DTX3: variants seen among roughly 807,000 people sequenced by gnomAD.
DTX3 encodes the protein deltex E3 ubiquitin ligase 3, also known as E3 ubiquitin-protein ligase DTX3.
A neutral mutation model predicts 27.4 loss-of-function variants in DTX3; 10 were observed. The ratio of observed to expected loss-of-function variants is 0.36; its 90% CI spans 0.22 to 0.62. The LOEUF (loss-of-function observed/expected upper bound fraction) is 0.62. Among genes scored for constraint, DTX3 ranks in the 20% least tolerant of loss-of-function variants. DTX3 has a pLI of 0.68. For missense variants in DTX3, 319 were observed against 463.8 expected (o/e 0.69, Z 2.87); for synonymous variants, 171 against 190.7 (o/e 0.90, Z 0.85).
In DTX3 at chr12:57,607,598, G is replaced by C; in HGVS notation, c.735G>C (p.Pro245=). The C allele has an allele frequency of 1.2e-6, 2 of 1,614,064 alleles. No individual in the cohort carries two copies. Among genetic ancestry groups the C allele is most frequent in the Non-Finnish European group, 1.7e-6 (2 of 1,180,012 alleles). Residue 245 remains proline (P), a synonymous_variant, in exon 5 of 7, where the codon CCG becomes CCC. Coordinates refer to ENST00000337737, the MANE Select transcript of DTX3 (RefSeq NM_178502.4). This position sits in a 1 kb window ranked among gnomAD's most constrained non-coding sequence, Gnocchi z 7.7. ...CCATTGTCATCCAGTACGTCTTCCC[G>C]CCCGGTGTCCAGGGGGTAAGAAGAC... ...YGTIVIQYVF[P]PGVQGAEHPN... is the part of the protein sequence containing the mutation.
Position 57,608,854 on chromosome 12 carries a change from C to T in DTX3, c.968+117C>T. On this transcript the variant is annotated intron_variant, in intron 6 of 6. Transcript: ENST00000337737. The surrounding 1 kb of genome is among the most constrained non-coding windows in gnomAD (Gnocchi z 6.1). ...CTAACTGGAGAGAACCACTTCCAAACTGTTCAGCCATCTCAGTTTCTCCTA... is the reference window on the plus strand; with the variant it reads ...CTAACTGGAGAGAACCACTTCCAAATTGTTCAGCCATCTCAGTTTCTCCTA... 2 of 1,285,940 alleles carry T rather than the reference C, an allele frequency of 1.6e-6. No individual in the cohort carries two copies. The highest frequency in any genetic ancestry group is 2.2e-6 in the Non-Finnish European group (2 of 906,968). The allele number at this position is 1,285,940 out of a possible 1,614,324, so 79.7% of individuals were successfully genotyped here.
At position 57,608,906 on chromosome 12, in the gene DTX3, G is replaced by C; in HGVS notation, c.968+169G>C. On this transcript the variant is annotated intron_variant, in intron 6 of 6. Transcript: ENST00000337737. The surrounding 1 kb of genome is among the most constrained non-coding windows in gnomAD (Gnocchi z 6.1). Reference sequence around the variant, plus strand: ...ATTCAACCTGGTCCTGGTGTGCCCAGCTTAGCCTACAAAAATAAGCAGAAC... The same window carrying C: ...ATTCAACCTGGTCCTGGTGTGCCCACCTTAGCCTACAAAAATAAGCAGAAC... 2 of 1,068,068 alleles carry C rather than the reference G, an allele frequency of 1.9e-6. No individual in the cohort carries two copies. The highest frequency in any genetic ancestry group is 1.4e-6 in the Non-Finnish European group (1 of 708,806). 66.2% of individuals were successfully genotyped at this position (1,068,068 alleles called of 1,614,324 possible).
chr12:57,609,167 G>A lies in DTX3; in HGVS notation c.*15G>A. The A allele has an allele frequency of 1.2e-6, 2 of 1,613,758 alleles. No homozygotes were observed. The highest frequency in any genetic ancestry group is 1.7e-6 in the Non-Finnish European group (2 of 1,179,746). On this transcript the variant is annotated 3_prime_UTR_variant, in exon 7 of 7. Coordinates refer to ENST00000337737, the MANE Select transcript of DTX3 (RefSeq NM_178502.4). ...CAGATGACTGAAGGACATCGCCTTT[G>A]CCAAGGCCCCTGCTGTCTGCCTCTA...
In DTX3 at chr12:57,609,219, C is replaced by T. The variant is rs1459021718; in HGVS notation, c.*67C>T. ...TAGGACCCAGCAGAAGCCTCTTTCT[C>T]CTCTCTGCCCCCTGCCCCCCACACC... On this transcript the variant is annotated 3_prime_UTR_variant, in exon 7 of 7. Coordinates refer to ENST00000337737, the MANE Select transcript of DTX3 (RefSeq NM_178502.4). 5 of 1,461,706 alleles carry T rather than the reference C, an allele frequency of 3.4e-6. No homozygotes were observed. Among genetic ancestry groups the T allele is most frequent in the Non-Finnish European group, 1.9e-6 (2 of 1,047,150 alleles). 90.5% of individuals were successfully genotyped at this position (1,461,706 alleles called of 1,614,324 possible).
At position 57,608,645 on chromosome 12, in the gene DTX3, C is replaced by T. The variant is rs2140212443; in HGVS notation, c.876C>T (p.Phe292=). ...AGGCGTTTGACCAGCGTCTCACCTTCACTATCGGCACGTCCATGACCACAG... is the reference window on the plus strand; with the variant it reads ...AGGCGTTTGACCAGCGTCTCACCTTTACTATCGGCACGTCCATGACCACAG... ...FRKAFDQRLT[F]TIGTSMTTGR... is the part of the protein sequence containing the mutation. The change falls in exon 6 of 7, where the codon TTC becomes TTT. Residue 292 remains phenylalanine (F), a synonymous_variant. Transcript: ENST00000337737. The surrounding 1 kb of genome is among the most constrained non-coding windows in gnomAD (Gnocchi z 6.1). 1.2e-6 allele frequency: 2 copies of T among 1,614,224 alleles called. No homozygotes were observed. Among genetic ancestry groups the T allele is most frequent in the East Asian group, 2.2e-5 (1 of 44,880 alleles).
rs1883794479 is a variant in DTX3, at chr12:57,607,465, T to C, written c.602T>C (p.Met201Thr). ...CTGCAGGTGAAAAAGGCCTGCCCCA[T>C]GTGCGGCCGCTTCTATGGGCAGCTG... ...RALQVKKACP[M>T]CGRFYGQLVG... The change falls in exon 5 of 7, where the codon ATG becomes ACG. Residue 201 changes from methionine to threonine, a missense_variant. Around this residue, in one of 2 missense-constraint regions of DTX3, gnomAD observed 117 missense variants for 258.5 expected, o/e 0.45. Coordinates refer to ENST00000337737, the MANE Select transcript of DTX3 (RefSeq NM_178502.4). This position sits in a 1 kb window ranked among gnomAD's most constrained non-coding sequence, Gnocchi z 7.7. 6.2e-7 allele frequency: 1 copy of C among 1,614,142 alleles called. No individual in the cohort carries two copies. The highest frequency in any genetic ancestry group is 8.5e-7 in the Non-Finnish European group (1 of 1,180,008).
chr12:57,605,639 C>T lies in DTX3; in HGVS notation c.-231C>T, dbSNP rs1258938240. 6.6e-6 allele frequency: 1 copy of T among 152,188 alleles called. No homozygotes were observed. The highest frequency in any genetic ancestry group is 1.9e-4 in the East Asian group (1 of 5,184). The allele number at this position is 152,188 out of a possible 1,614,324, so 9.4% of individuals were successfully genotyped here. A position where few individuals can be genotyped will look rare whatever the true frequency, so the allele number is the denominator to read the frequency against. ...GACCAGACTCAGGGAAAACATCAGGCCCCTCCAGCTGAGCCCTTGTGTGAG... is the reference window on the plus strand; with the variant it reads ...GACCAGACTCAGGGAAAACATCAGGTCCCTCCAGCTGAGCCCTTGTGTGAG... On this transcript the variant is annotated 5_prime_UTR_variant, in exon 2 of 7. Coordinates refer to ENST00000337737, the MANE Select transcript of DTX3 (RefSeq NM_178502.4).
chr12:57,609,509 C>T lies in DTX3; in HGVS notation c.*357C>T. 4.3e-6 allele frequency: 1 copy of T among 232,918 alleles called. No homozygotes were observed. The highest frequency in any genetic ancestry group is 8.6e-6 in the Non-Finnish European group (1 of 116,542). The allele number at this position is 232,918 out of a possible 1,614,324, so 14.4% of individuals were successfully genotyped here. A position where few individuals can be genotyped will look rare whatever the true frequency, so the allele number is the denominator to read the frequency against. Reference sequence around the variant, plus strand: ...GGACCTAGGGTGGGGAAGGGAGGGTCTCTTGATTCCTAACCGCCCCCACAT... The same window carrying T: ...GGACCTAGGGTGGGGAAGGGAGGGTTTCTTGATTCCTAACCGCCCCCACAT... On this transcript the variant is annotated 3_prime_UTR_variant, in exon 7 of 7. Coordinates refer to ENST00000337737, the MANE Select transcript of DTX3 (RefSeq NM_178502.4).
chr12:57,606,570 T>C (rs1353229177), intron 4 of DTX3, 52 bp downstream of exon 4: 9 of 1,606,262 alleles, frequency 5.6e-6, no homozygotes, highest in Non-Finnish European at 7.6e-6. Context: ...ACAGCCCATT[T>C]TTCCCCAAGA....
chr12:57,607,285 CT>C lies in DTX3; in HGVS notation c.423del (p.Pro142LeufsTer54). ...LPPGARGLPP[P>X]PPPLPPPLPP... Reference sequence around the variant, plus strand: ...CCAGGAGCTCGGGGGCTCCCCCCTCCTCCTCCCCCCCTGCCCCCACCTCTTC... The same window carrying C: ...CCAGGAGCTCGGGGGCTCCCCCCTCCCCTCCCCCCCTGCCCCCACCTCTTC... On this transcript the variant is annotated frameshift_variant, in exon 5 of 7. Coordinates refer to ENST00000337737, the MANE Select transcript of DTX3 (RefSeq NM_178502.4). LOFTEE classifies it high-confidence loss of function. The surrounding 1 kb of genome is among the most constrained non-coding windows in gnomAD (Gnocchi z 7.7). The C allele has an allele frequency of 6.4e-7, 1 of 1,568,790 alleles. No individual in the cohort carries two copies. Among genetic ancestry groups the C allele is most frequent in the South Asian group, 1.2e-5 (1 of 86,464 alleles).
In DTX3 at chr12:57,608,649, A is replaced by G. The variant is rs201365434; in HGVS notation, c.880A>G (p.Ile294Val). The G allele has an allele frequency of 6.8e-6, 11 of 1,613,956 alleles. No individual in the cohort carries two copies. Among genetic ancestry groups the G allele is most frequent in the Non-Finnish European group, 9.3e-6 (11 of 1,180,014 alleles). The change falls in exon 6 of 7, where the codon ATC becomes GTC. Residue 294 changes from isoleucine to valine, a missense_variant. By Grantham distance (29) the Ile-to-Val change is conservative. This residue lies in a region of DTX3 where 117 missense variants were observed against 258.5 expected (regional missense o/e 0.45). Transcript: ENST00000337737. This position sits in a 1 kb window ranked among gnomAD's most constrained non-coding sequence, Gnocchi z 6.1. The stretch of plus-strand genomic sequence containing the variant: ...GTTTGACCAGCGTCTCACCTTCACT[A>G]TCGGCACGTCCATGACCACAGGGAG... ...KAFDQRLTFT[I>V]GTSMTTGRPN...
At position 57,608,600 on chromosome 12, in the gene DTX3, G is replaced by A. The variant is rs774728825; in HGVS notation, c.831G>A (p.Lys277=). The change falls in exon 6 of 7, where the codon AAG becomes AAA. Residue 277 remains lysine, a synonymous_variant. Transcript: ENST00000337737. This position sits in a 1 kb window ranked among gnomAD's most constrained non-coding sequence, Gnocchi z 6.1. ...TCCCGGACTGCCCTGAGGGCAACAAGGTGCTGACCCTGTTCCGCAAGGCGT... is the reference window on the plus strand; with the variant it reads ...TCCCGGACTGCCCTGAGGGCAACAAAGTGCTGACCCTGTTCCGCAAGGCGT... ...AYLPDCPEGN[K]VLTLFRKAFD... is the part of the protein sequence containing the mutation. 3.1e-6 allele frequency: 5 copies of A among 1,614,174 alleles called. No homozygotes were observed. The Admixed American group carries it at 8.3e-5, about 27-fold the overall frequency.
Position 57,605,641 on chromosome 12 carries a change from C to G in DTX3, c.-229C>G, listed in dbSNP as rs913542676. 6.6e-6 allele frequency: 1 copy of G among 152,232 alleles called. No individual in the cohort carries two copies. Among genetic ancestry groups the G allele is most frequent in the African/African-American group, 2.4e-5 (1 of 41,440 alleles). The allele number at this position is 152,232 out of a possible 1,614,324, so 9.4% of individuals were successfully genotyped here. ...CCAGACTCAGGGAAAACATCAGGCC[C>G]CTCCAGCTGAGCCCTTGTGTGAGCC... On this transcript the variant is annotated 5_prime_UTR_variant, in exon 2 of 7. Coordinates refer to ENST00000337737, the MANE Select transcript of DTX3 (RefSeq NM_178502.4).
In DTX3 at chr12:57,606,445, C is replaced by T. The variant is rs1177982934; in HGVS notation, c.-73C>T. 5.0e-6 allele frequency: 8 copies of T among 1,610,414 alleles called. No homozygotes were observed. Among genetic ancestry groups the T allele is most frequent in the Non-Finnish European group, 6.8e-6 (8 of 1,178,630 alleles). ...CTTCCATTTTTCCGCCCTACCAGGT[C>T]ACACGACCTACAAGTAGGGAGCAGG... On this transcript the variant is annotated splice_region_variant and 5_prime_UTR_variant, in exon 4 of 7. Transcript: ENST00000337737.
rs1883812011 is a variant in DTX3, at chr12:57,607,816, T to A, written c.750+203T>A. Among the ~76,000 whole-genome samples, 1 of 151,132 alleles carries A rather than the reference T, an allele frequency of 6.6e-6. No homozygotes were observed. The highest frequency in any genetic ancestry group is 1.5e-5 in the Non-Finnish European group (1 of 67,836). On this transcript the variant is annotated intron_variant, in intron 5 of 6. Transcript: ENST00000337737. The surrounding 1 kb of genome is among the most constrained non-coding windows in gnomAD (Gnocchi z 7.7). ...TGTGATCCCAAGGCACACGTGAAAATCAGATATGAGCTAGGAAAAAAAAAA... is the reference window on the plus strand; with the variant it reads ...TGTGATCCCAAGGCACACGTGAAAAACAGATATGAGCTAGGAAAAAAAAAA...
chr12:57,606,287 C>T, intron 3 of DTX3, 35 bp downstream of exon 3: 1 of 587,120 alleles, frequency 1.7e-6, no homozygotes, highest in Middle Eastern at 4.6e-4. Flanking sequence ...AATTTTCACC[C>T]TTAAACTGGT....
At chr12:57,606,840 T>C (rs1883742903) in intron 4 of DTX3, 25 bp from the exon 5 acceptor site, 1 of 1,583,378 alleles carries the variant, frequency 6.3e-7, no homozygotes, top group Non-Finnish European at 8.6e-7. Context: ...CCCCCCACCC[T>C]GAGTCCCTTT....
In DTX3 at chr12:57,607,544, C is replaced by G; in HGVS notation, c.681C>G (p.Leu227=). 6.2e-7 allele frequency: 1 copy of G among 1,614,250 alleles called. No homozygotes were observed. Among genetic ancestry groups the G allele is most frequent in the Non-Finnish European group, 8.5e-7 (1 of 1,180,048 alleles). ...GRMLVSKDAT[L]LLPSYEKYGT... ...TGCTGGTCTCTAAGGACGCCACCCT[C>G]CTACTGCCCAGCTATGAGAAGTACG... The change falls in exon 5 of 7, where the codon CTC becomes CTG. Residue 227 remains leucine (L), a synonymous_variant. Coordinates refer to ENST00000337737, the MANE Select transcript of DTX3 (RefSeq NM_178502.4). This position sits in a 1 kb window ranked among gnomAD's most constrained non-coding sequence, Gnocchi z 7.7.
rs765028357 is a variant in DTX3, at chr12:57,609,168, C to A, written c.*16C>A. On this transcript the variant is annotated 3_prime_UTR_variant, in exon 7 of 7. Transcript: ENST00000337737. ...AGATGACTGAAGGACATCGCCTTTG[C>A]CAAGGCCCCTGCTGTCTGCCTCTAC... The A allele has an allele frequency of 2.0e-5, 32 of 1,613,568 alleles. No homozygotes were observed. In the South Asian group the frequency reaches 3.5e-4, roughly 18 times the overall value.
Sources: gnomAD v4.1 joint callset for allele counts (sites outside exome capture counted in the v4.1 genomes callset) on GRCh38, gnomAD v4.1.1 for gene constraint, gnomAD v4.1.1 regional missense constraint, Gnocchi (gnomAD v3.1) non-coding constraint, MANE v1.5 for transcripts, NCBI Gene and HGNC (gene_info 2026-07-23, HGNC 2026-07-21) for gene names.